Variants in RMDN2 observed in about 807,000 individuals in gnomAD.
RMDN2 encodes the protein regulator of microtubule dynamics 2, also known as regulator of microtubule dynamics protein 2.
In RMDN2, 61 loss-of-function variants were observed where a neutral mutation model predicts 52.8. The ratio of observed to expected loss-of-function variants is 1.16; its 90% confidence interval spans 0.94 to 1.43. The LOEUF (loss-of-function observed/expected upper bound fraction) is 1.43. Ranked by LOEUF, RMDN2 falls within the 40% of genes most tolerant of loss-of-function variation. The pLI, the probability that RMDN2 is intolerant of heterozygous loss-of-function variation, is 0.00. For synonymous variants in RMDN2, 180 were observed against 153.1 expected (o/e 1.18, Z -1.30); for missense variants, 592 against 475.3 (o/e 1.25, Z -2.28).
At position 38,004,288 on chromosome 2, in the gene RMDN2, G is replaced by A. The variant is rs74645838; in HGVS notation, c.1179+72G>A. 6.2e-4 allele frequency: 596 copies of A among 966,644 alleles called. 3 individuals are homozygous for A. The African/African-American group carries it at 7.0e-3, about 11-fold the overall frequency. The allele number at this position is 966,644 out of a possible 1,614,324, so 59.9% of individuals were successfully genotyped here. The stretch of plus-strand genomic sequence containing the variant: ...TTCGAGCTCAAAACAGGAATAACTC[G>A]CTTAGATACATTTGTAGTTTTCTCT... On this transcript the variant is annotated intron_variant, in intron 10 of 10. Coordinates refer to ENST00000354545, the MANE Select transcript of RMDN2 (RefSeq NM_001170791.3).
intron 2 of RMDN2, among the ~76,000 whole-genome samples, chr2:37,936,408 C>A (rs1177575767): frequency 6.6e-6 from 1 of 152,096 alleles, no homozygotes; most frequent in Non-Finnish European, 1.5e-5. Context: ...GGTATATACC[C>A]CGTAATGGGA....
At chr2:37,923,519 G>A (rs547057481), upstream of RMDN2, among the ~76,000 whole-genome samples, 1 of 152,316 alleles carries the variant, frequency 6.6e-6, no homozygotes, top group African/African-American at 2.4e-5. Flanking sequence ...AAGTATTAGC[G>A]AAGAGACAGT....
At chr2:37,958,971 G>C (rs1433555778) in intron 2 of RMDN2, among the ~76,000 whole-genome samples, 1 of 151,088 alleles carries the variant, frequency 6.6e-6, no homozygotes, top group Admixed American at 6.6e-5. Context: ...ACTTGCATGT[G>C]TTGAACCAGC....
At chr2:38,033,286 C>G (rs557941233) in intron 10 of RMDN2, 123 of 152,304 alleles carry the variant, frequency 8.1e-4, no homozygotes, top group African/African-American at 2.6e-3. Context: ...TGGCAGTACA[C>G]AAACTAGCTA....
chr2:38,038,297 G>C (rs1027255097), intron 10 of RMDN2, among the ~76,000 whole-genome samples: 9 of 152,162 alleles, frequency 5.9e-5, no homozygotes, highest in Non-Finnish European at 8.8e-5. Context: ...GGCGGACGCC[G>C]ACTGCGAGTC....
In RMDN2 at chr2:37,931,227, A is replaced by G. The variant is rs143358240; in HGVS notation, c.452+1498A>G. Among the ~76,000 whole-genome samples the G allele has an allele frequency of 2.5e-4, 38 of 152,282 alleles. 1 individual carries two copies. Among genetic ancestry groups the G allele is most frequent in the African/African-American group, 7.9e-4 (33 of 41,562 alleles). On this transcript the variant is annotated intron_variant, in intron 2 of 10. Transcript: ENST00000354545. ...AGTCATTGTTCTAGTTCATTTACAA[A>G]TGTAGGAAGATCTAAAAAATTTGTG...
chr2:37,981,202 T>A (rs1673265311), intron 4 of RMDN2, 81 bp from the exon 5 acceptor site: 1 of 888,196 alleles, frequency 1.1e-6, no homozygotes, highest in Admixed American at 1.8e-5. Context: ...GACCATACTT[T>A]GTGAACCATG....
In RMDN2 at chr2:37,974,347, A is replaced by G. The variant is rs893497344; in HGVS notation, c.627+133A>G. 9.3e-5 allele frequency: 49 copies of G among 529,552 alleles called. No homozygotes were observed. The Middle Eastern group carries it at 4.1e-3, about 44-fold the overall frequency. 32.8% of individuals were successfully genotyped at this position (529,552 alleles called of 1,614,324 possible). ...GATTGATGTAAAATTTCTCTATAAA[A>G]TGACTAAAATTTTTTAAAATTTATT... is the stretch of plus-strand genomic sequence containing the variant. On this transcript the variant is annotated intron_variant, in intron 3 of 10. Transcript: ENST00000354545.
At chr2:38,021,055 G>A (rs1465583317), downstream of RMDN2, among the ~76,000 whole-genome samples, 1 of 152,170 alleles carries the variant, frequency 6.6e-6, no homozygotes, top group African/African-American at 2.4e-5. Context: ...TCTAGCTCAA[G>A]GTTTGTAAAC....
Position 37,974,172 on chromosome 2 carries a change from C to G in RMDN2, c.585C>G (p.Gly195=). The G allele has an allele frequency of 6.2e-7, 1 of 1,613,198 alleles. No homozygotes were observed. The highest frequency in any genetic ancestry group is 8.5e-7 in the Non-Finnish European group (1 of 1,179,552). ...KVDHLRMSES[G]KSESFELLRD... is the part of the protein sequence containing the mutation. ...ATCATTTACGTATGAGTGAGTCTGGCAAGTCGGAGAGTTTTGAACTACTTC... is the reference window on the plus strand; with the variant it reads ...ATCATTTACGTATGAGTGAGTCTGGGAAGTCGGAGAGTTTTGAACTACTTC... Residue 195 remains glycine (G), a synonymous_variant, in exon 3 of 11, where the codon GGC becomes GGG. Transcript: ENST00000354545.
intron 8 of RMDN2, among the ~76,000 whole-genome samples, chr2:38,003,601 T>TAGATAGGC (rs1399175169): frequency 8.1e-6 from 1 of 124,070 alleles, no homozygotes; most frequent in African/African-American, 2.7e-5. Flanking sequence ...GATAGATAGA[T>TAGATAGGC]AGGCAGACAG....
At chr2:37,960,641 A>C (rs765609043) in intron 2 of RMDN2, among the ~76,000 whole-genome samples, 1 of 152,134 alleles carries the variant, frequency 6.6e-6, no homozygotes, top group Non-Finnish European at 1.5e-5. Flanking sequence ...GTCAATTTAC[A>C]TTTAAGGTTA....
chr2:37,926,528 CAT>C (rs1420104787), intron 1 of RMDN2, among the ~76,000 whole-genome samples: 2 of 152,178 alleles, frequency 1.3e-5, no homozygotes, highest in Admixed American at 6.5e-5. Flanking sequence ...TGAAACGTAA[CAT>C]AATACTTTGT....
chr2:37,989,387 G>A (rs1262338822), intron 5 of RMDN2, among the ~76,000 whole-genome samples, 154 bp from the exon 6 acceptor site: 1 of 152,086 alleles, frequency 6.6e-6, no homozygotes, highest in East Asian at 1.9e-4. Context: ...TTAATGTCAA[G>A]TATTTATTAT....
intron 10 of RMDN2, among the ~76,000 whole-genome samples, chr2:38,051,987 A>T (rs1000645546): frequency 6.6e-6 from 1 of 152,228 alleles, no homozygotes; most frequent in African/African-American, 2.4e-5. Flanking sequence ...AACATGGTGC[A>T]GGTATCCCTT....
chr2:37,981,389 C>T (rs758704817), intron 5 of RMDN2, 46 bp downstream of exon 5: 4 of 1,232,862 alleles, frequency 3.2e-6, no homozygotes, highest in Admixed American at 3.8e-5. Context: ...TAACCTGCCT[C>T]TTTATAAATT....
intron 5 of RMDN2, among the ~76,000 whole-genome samples, chr2:37,988,064 A>G (rs1233201388): frequency 6.6e-6 from 1 of 152,190 alleles, no homozygotes; most frequent in Non-Finnish European, 1.5e-5. Flanking sequence ...ATCTCTAAAT[A>G]AATAAATAAT....
intron 2 of RMDN2, among the ~76,000 whole-genome samples, chr2:37,970,140 G>T (rs932911602): frequency 2.3e-4 from 35 of 152,008 alleles, no homozygotes; most frequent in African/African-American, 8.2e-4. Context: ...GCCATGTTGT[G>T]CAGGCTAGTT....
chr2:37,993,312 G>A (rs1047951750), intron 7 of RMDN2, among the ~76,000 whole-genome samples: 10 of 152,258 alleles, frequency 6.6e-5, no homozygotes, highest in African/African-American at 2.4e-4. Flanking sequence ...TATGAATTGT[G>A]GAAGAGGAAG....
Sources: allele counts gnomAD v4.1 joint callset (sites outside exome capture counted in the v4.1 genomes callset), GRCh38; gene constraint gnomAD v4.1.1; transcripts MANE v1.5; gene names NCBI Gene and HGNC (gene_info 2026-07-23, HGNC 2026-07-21).